The following HMCN2 variants were observed in gnomAD, a reference collection of about 807,000 sequenced individuals.
HMCN2 encodes the protein hemicentin-2.
In HMCN2, 325 loss-of-function variants were observed where a neutral mutation model predicts 377.5. The observed-to-expected ratio is 0.86, with a 90% CI of 0.79 to 0.94. HMCN2 has a LOEUF of 0.94. Among genes scored for constraint, HMCN2 ranks in the 40% least tolerant of loss-of-function variants. The probability of loss-of-function intolerance (pLI) is 0.00; values close to 1 mark genes in which losing one functional copy is unlikely to be tolerated. For synonymous variants in HMCN2, 2,007 were observed against 2,046.8 expected (o/e 0.98, Z 0.53); for missense variants, 4,543 against 4,725.3 (o/e 0.96, Z 1.13).
chr9:130,429,893 C>G, intron 94 of HMCN2: 1 of 967,298 alleles, frequency 1.0e-6, no homozygotes, highest in Non-Finnish European at 1.5e-6. Flanking sequence ...CACTGGGTGC[C>G]TGCCTGTGCA....
chr9:130,364,928 C>T (rs144367161), intron 41 of HMCN2, 39 bp downstream of exon 41: 14,042 of 982,166 alleles, frequency 0.014, 125 homozygotes, highest in Non-Finnish European at 0.016. Context: ...GCCTCCACCT[C>T]GGCCCAAGGG....
Position 130,380,377 on chromosome 9 carries a change from G to A in HMCN2, c.8431+910G>A, listed in dbSNP as rs989925418. 5.3e-5 allele frequency among the ~76,000 whole-genome samples: 8 copies of A among 152,258 alleles called. No individual in the cohort carries two copies. The South Asian group carries it at 6.2e-4, about 12-fold the overall frequency. ...TGGGTGGTCTCTCTGTTTGAGATTC[G>A]AACTGTGTCCTGCCAGAGATGGGCC... On this transcript the variant is annotated intron_variant, in intron 54 of 97. Coordinates refer to ENST00000683500, the MANE Select transcript of HMCN2 (RefSeq NM_001291815.2).
chr9:130,431,713 C>T lies in HMCN2; in HGVS notation c.14767+227C>T, dbSNP rs1000070783. ...GGAGCTCTGAGATCACGCGGGCAGG[C>T]TCTGAAAGCAGCCCTGCAAGGCCAA... is the stretch of plus-strand genomic sequence containing the variant. On this transcript the variant is annotated intron_variant, in intron 96 of 97. Transcript: ENST00000683500. Among the ~76,000 whole-genome samples, 38 of 152,358 alleles carry T rather than the reference C, an allele frequency of 2.5e-4. 1 individual carries two copies. The highest frequency in any genetic ancestry group is 2.5e-3 in the Admixed American group (38 of 15,310).
rs978206173 is a variant in HMCN2 at position 130,296,752 on chromosome 9, C to T, written c.970C>T (p.Pro324Ser). The change falls in exon 7 of 98, where the codon CCC becomes TCC. Residue 324 changes from proline to serine, a missense_variant. Pro to Ser is a moderately conservative substitution (Grantham distance 74, BLOSUM62 -1). Transcript: ENST00000683500. ...CTTCCGAGCCGGCTTCTCCACTCAG[C>T]CCTTGCTGGACCTCAACCACACCCT... is the stretch of plus-strand genomic sequence containing the variant. ...IDFRAGFSTQ[P>S]LLDLNHTLEW... 4 of 471,106 alleles carry T rather than the reference C, an allele frequency of 8.5e-6. No homozygotes were observed. The highest frequency in any genetic ancestry group is 1.8e-5 in the Non-Finnish European group (4 of 227,078). 29.2% of individuals were successfully genotyped at this position (471,106 alleles called of 1,614,324 possible).
intron 25 of HMCN2, among the ~76,000 whole-genome samples, chr9:130,345,127 G>GTGGTGTGTGCACAGTGTT (rs1204263328): frequency 2.0e-5 from 3 of 150,550 alleles, no homozygotes; most frequent in African/African-American, 7.3e-5. Flanking sequence ...TGTGTGGTGT[G>GTGGTGTGTGCACAGTGTT]TGGTGTGTGC....
intron 4 of HMCN2, among the ~76,000 whole-genome samples, chr9:130,288,997 AG>A (rs1835576747): frequency 6.6e-6 from 1 of 152,232 alleles, no homozygotes; most frequent in South Asian, 2.1e-4. Flanking sequence ...CTGCTGTGCC[AG>A]AGCAGCCTCC....
At chr9:130,334,831 C>CTT (rs1175555287) in intron 22 of HMCN2, among the ~76,000 whole-genome samples, 13 of 149,132 alleles carry the variant, frequency 8.7e-5, no homozygotes, top group Non-Finnish European at 1.6e-4. Flanking sequence ...CTCTCTCTCT[C>CTT]TCCCTCCCTC....
chr9:130,397,509 C>A lies in HMCN2; in HGVS notation c.11199-19C>A, dbSNP rs775944688. ...CCCACTGGCTTGCTCATCTCCAGGGCAACCCCCATCCATTCTAGGTTTGAA... is the reference window on the plus strand; with the variant it reads ...CCCACTGGCTTGCTCATCTCCAGGGAAACCCCCATCCATTCTAGGTTTGAA... On this transcript the variant is annotated intron_variant, in intron 73 of 97. Transcript: ENST00000683500. The A allele has an allele frequency of 2.3e-6, 3 of 1,289,428 alleles. No homozygotes were observed. In the South Asian group the frequency reaches 3.7e-5, roughly 16 times the overall value. The allele number at this position is 1,289,428 out of a possible 1,614,324, so 79.9% of individuals were successfully genotyped here. A position where few individuals can be genotyped will look rare whatever the true frequency, so the allele number is the denominator to read the frequency against.
chr9:130,302,048 G>A (rs944999684), intron 8 of HMCN2, among the ~76,000 whole-genome samples: 2 of 94,810 alleles, frequency 2.1e-5, no homozygotes, highest in Admixed American at 1.0e-4. Context: ...CTCTAGCTGT[G>A]CTTTTTTTTT....
Position 130,379,401 on chromosome 9 carries a change from C to A in HMCN2, c.8365C>A (p.Pro2789Thr), listed in dbSNP as rs546728420. The change falls in exon 54 of 98, where the codon CCG becomes ACG. Residue 2789 changes from proline to threonine, a missense_variant. Transcript: ENST00000683500. ...CTGCGACACCAACGCGATCCCACCC[C>A]CGGACCTCACCTGGTACAGAGAGGA... ...LYCDTNAIPP[P>T]DLTWYREDQP... 4 of 985,858 alleles carry A rather than the reference C, an allele frequency of 4.1e-6. No individual in the cohort carries two copies. The African/African-American group carries it at 7.0e-5, about 17-fold the overall frequency. 61.1% of individuals were successfully genotyped at this position (985,858 alleles called of 1,614,324 possible).
intron 66 of HMCN2, 83 bp downstream of exon 66, chr9:130,392,201 G>A (rs1842354452): frequency 1.1e-6 from 1 of 941,640 alleles, no homozygotes; most frequent in African/African-American, 1.8e-5. Context: ...GGTGCTGGAA[G>A]CCAGGACTGG....
At chr9:130,376,457 A>G in intron 51 of HMCN2, 59 bp from the exon 52 acceptor site, 1 of 838,552 alleles carries the variant, frequency 1.2e-6, no homozygotes, top group Non-Finnish European at 1.4e-6. Context: ...GACCAGGGTA[A>G]GCTCAGGGTT....
At chr9:130,292,981 T>C (rs1351945945) in intron 4 of HMCN2, among the ~76,000 whole-genome samples, 1 of 141,598 alleles carries the variant, frequency 7.1e-6, no homozygotes, top group African/African-American at 2.5e-5. Flanking sequence ...TATCTATCTA[T>C]CTATCTATCT....
intron 15 of HMCN2, among the ~76,000 whole-genome samples, chr9:130,316,200 C>T (rs1021482378): frequency 1.4e-4 from 22 of 152,156 alleles, no homozygotes; most frequent in Non-Finnish European, 2.8e-4. Context: ...CCGTCACTGC[C>T]AGGAGTGCGA....
At chr9:130,348,033 C>G (rs546100772) in intron 26 of HMCN2, 1 of 985,250 alleles carries the variant, frequency 1.0e-6, no homozygotes, top group African/African-American at 1.7e-5. Context: ...CTCCTTAACA[C>G]GGGCAGTGTG....
chr9:130,391,608 G>A (rs774936301), intron 65 of HMCN2, 34 bp downstream of exon 65: 6 of 986,054 alleles, frequency 6.1e-6, no homozygotes, highest in East Asian at 1.1e-4. Context: ...AGGGTGATGC[G>A]TGGGCCTGGG....
chr9:130,314,575 C>T (rs1384875012), intron 15 of HMCN2, among the ~76,000 whole-genome samples: 1 of 152,198 alleles, frequency 6.6e-6, no homozygotes, highest in Non-Finnish European at 1.5e-5. Flanking sequence ...GAAAAGTGGT[C>T]CCCGAGTCCT....
rs570533927 is a variant in HMCN2 at position 130,358,775 on chromosome 9, G to A, written c.5677+289G>A. Among the ~76,000 whole-genome samples, 15 of 152,082 alleles carry A rather than the reference G, an allele frequency of 9.9e-5. No individual in the cohort carries two copies. In the South Asian group the frequency reaches 2.3e-3, roughly 23 times the overall value. ...CGCAAGCTCCGCCTGCCGGGTTCAC[G>A]CCATTCTCCTGCCTCAGCCTCCCGA... On this transcript the variant is annotated intron_variant, in intron 36 of 97. Transcript: ENST00000683500.
At chr9:130,358,678 A>AC (rs1564813583) in intron 36 of HMCN2, among the ~76,000 whole-genome samples, 192 bp downstream of exon 36, 2 of 146,322 alleles carry the variant, frequency 1.4e-5, no homozygotes, top group African/African-American at 5.0e-5. Context: ...TTTTGGCGGG[A>AC]TTTTTTTTTT....
Sources: allele counts gnomAD v4.1 joint callset (sites outside exome capture counted in the v4.1 genomes callset), GRCh38; gene constraint gnomAD v4.1.1; transcripts MANE v1.5; gene names NCBI Gene and HGNC (gene_info 2026-07-23, HGNC 2026-07-21).